Variants in ALPK1 observed in about 807,000 individuals in gnomAD.
The protein encoded by ALPK1 is alpha kinase 1, also known as alpha-protein kinase 1.
ALPK1 carries 110 observed loss-of-function variants against 120.6 expected under a neutral mutation model. The ratio of observed to expected loss-of-function variants is 0.91; its 90% CI spans 0.78 to 1.07. The LOEUF is 1.07. Among genes scored for constraint, ALPK1 ranks in the 50% least tolerant of loss-of-function variants. The pLI is 0.00. For synonymous variants in ALPK1, 582 were observed against 560.3 expected (o/e 1.04, Z -0.55); for missense variants, 1,498 against 1,483.9 (o/e 1.01, Z -0.16).
Position 112,436,846 on chromosome 4 carries a change from G to A in ALPK1, c.3188+1545G>A, listed in dbSNP as rs186287900. 2.6e-3 allele frequency among the ~76,000 whole-genome samples: 396 copies of A among 152,278 alleles called. 4 individuals carry two copies. Among genetic ancestry groups the A allele is most frequent in the African/African-American group, 9.1e-3 (380 of 41,548 alleles). Reference sequence around the variant, plus strand: ...TATACCATAGGAGGACCTGAGATGAGAATAAATTGAGAATAAGAGACATAG... The same window carrying A: ...TATACCATAGGAGGACCTGAGATGAAAATAAATTGAGAATAAGAGACATAG... On this transcript the variant is annotated intron_variant, in intron 12 of 15. Transcript: ENST00000650871.
At chr4:112,423,052 G>A (rs879633860) in intron 5 of ALPK1, among the ~76,000 whole-genome samples, 24 of 152,176 alleles carry the variant, frequency 1.6e-4, no homozygotes, top group African/African-American at 4.1e-4. Context: ...GCAAACGAGC[G>A]TGAAGAATGG....
intron 1 of ALPK1, among the ~76,000 whole-genome samples, chr4:112,299,592 A>G (rs1727698122): frequency 6.6e-6 from 1 of 152,174 alleles, no homozygotes; most frequent in Admixed American, 6.5e-5. Context: ...CAGACATGCT[A>G]CACTAATGCA....
At chr4:112,327,020 A>G in intron 2 of ALPK1, among the ~76,000 whole-genome samples, 1 of 152,190 alleles carries the variant, frequency 6.6e-6, no homozygotes, top group East Asian at 1.9e-4. Flanking sequence ...ATTCTTTCCT[A>G]CTCAGTGAAG....
intron 5 of ALPK1, among the ~76,000 whole-genome samples, chr4:112,418,154 A>G (rs773244408): frequency 5.3e-5 from 8 of 152,334 alleles, no homozygotes; most frequent in Non-Finnish European, 7.3e-5. Context: ...CCTCATACCT[A>G]CGCACACCAC....
chr4:112,311,717 G>A (rs1029652233), intron 1 of ALPK1, among the ~76,000 whole-genome samples: 1 of 152,202 alleles, frequency 6.6e-6, no homozygotes, highest in African/African-American at 2.4e-5. Context: ...TATCAACTGC[G>A]CCATGCCTGC....
intron 2 of ALPK1, chr4:112,356,483 A>T: frequency 1.0e-6 from 1 of 954,052 alleles, no homozygotes; most frequent in South Asian, 1.3e-5. Flanking sequence ...CCCACTCGCA[A>T]CTCACACAGG....
In ALPK1 at chr4:112,440,927, C is replaced by A. The variant is rs143402579; in HGVS notation, c.3549C>A (p.Thr1183=). The A allele has an allele frequency of 3.1e-6, 5 of 1,610,274 alleles. No homozygotes were observed. Among genetic ancestry groups the A allele is most frequent in the Non-Finnish European group, 3.4e-6 (4 of 1,178,462 alleles). Residue 1183 remains threonine (T), a synonymous_variant, in exon 15 of 16, where the codon ACC becomes ACA. Coordinates refer to ENST00000650871, the MANE Select transcript of ALPK1 (RefSeq NM_025144.4). ...TCATTTCTCTTTTAGGTTGGGTAAC[C>A]GGTAATGGAAAAGGACTCATCTACC... is the stretch of plus-strand genomic sequence containing the variant. ...DVVVDLQGWV[T]GNGKGLIYLT... is the part of the protein sequence containing the mutation.
intron 2 of ALPK1, chr4:112,358,355 C>T: frequency 1.7e-6 from 1 of 597,052 alleles, no homozygotes; most frequent in East Asian, 3.1e-5. Flanking sequence ...GCGAACTATG[C>T]CAGCACCGGC....
At chr4:112,366,596 C>T (rs1321773339) in intron 2 of ALPK1, among the ~76,000 whole-genome samples, 1 of 152,122 alleles carries the variant, frequency 6.6e-6, no homozygotes, top group Non-Finnish European at 1.5e-5. Flanking sequence ...TTTTACACTG[C>T]TGGTGGGAAT....
chr4:112,325,614 G>A (rs1347349645), intron 2 of ALPK1, among the ~76,000 whole-genome samples: 1 of 152,092 alleles, frequency 6.6e-6, no homozygotes, highest in Non-Finnish European at 1.5e-5. Flanking sequence ...AAACTTACGG[G>A]GCAATCGTAC....
chr4:112,317,781 G>A (rs752901150), intron 2 of ALPK1, among the ~76,000 whole-genome samples: 1 of 152,030 alleles, frequency 6.6e-6, no homozygotes, highest in Non-Finnish European at 1.5e-5. Flanking sequence ...ATTTTTTGCA[G>A]AGTTGCTATT....
rs541790711 is a variant in ALPK1, at chr4:112,382,926, C to G, written c.276+374C>G. On this transcript the variant is annotated intron_variant, in intron 4 of 15. Coordinates refer to ENST00000650871, the MANE Select transcript of ALPK1 (RefSeq NM_025144.4). ...AGGTAGCTTAAAAAAGTAAATGCAC[C>G]CTTGTTTCATCAGTGTGACTTGCTG... The G allele has an allele frequency of 9.4e-5, 23 of 244,766 alleles. 1 individual carries two copies. Among genetic ancestry groups the G allele is most frequent in the Admixed American group, 3.0e-4 (6 of 19,890 alleles). 15.2% of individuals were successfully genotyped at this position (244,766 alleles called of 1,614,324 possible). A position where few individuals can be genotyped will look rare whatever the true frequency, so the allele number is the denominator to read the frequency against.
rs76895990 is a variant in ALPK1 at position 112,435,763 on chromosome 4, C to T, written c.3188+462C>T. 8.7e-4 allele frequency among the ~76,000 whole-genome samples: 132 copies of T among 152,298 alleles called. 1 individual carries two copies. Among genetic ancestry groups the T allele is most frequent in the African/African-American group, 3.1e-3 (127 of 41,568 alleles). On this transcript the variant is annotated intron_variant, in intron 12 of 15. Transcript: ENST00000650871. ...TGATTGCTGAACCCTTTAGGGATCCCGCATAGGCGTTTGAGGCAGGGGTGG... is the reference window on the plus strand; with the variant it reads ...TGATTGCTGAACCCTTTAGGGATCCTGCATAGGCGTTTGAGGCAGGGGTGG...
At chr4:112,397,556 C>T (rs1394853761) in intron 4 of ALPK1, among the ~76,000 whole-genome samples, 1 of 152,186 alleles carries the variant, frequency 6.6e-6, no homozygotes, top group Non-Finnish European at 1.5e-5. Context: ...TCAAGTACAA[C>T]TTTAAAAGAG....
In ALPK1 at chr4:112,431,645, G is replaced by C; in HGVS notation, c.2098G>C (p.Glu700Gln). The change falls in exon 11 of 16, where the codon GAA becomes CAA. Residue 700 changes from glutamate to glutamine, a missense_variant. By Grantham distance (29) the Glu-to-Gln change is conservative. Coordinates refer to ENST00000650871, the MANE Select transcript of ALPK1 (RefSeq NM_025144.4). ...AGAAGGAGCTCCAGAAGGTATCCAG[G>C]AAGTCAGAAATATGGGACCCAGAAA... Reference protein sequence around the residue: ...LLEGAPEGIQEVRNMGPRNTS... With the variant: ...LLEGAPEGIQQVRNMGPRNTS... 1.9e-6 allele frequency: 3 copies of C among 1,614,190 alleles called. No individual in the cohort carries two copies. The highest frequency in any genetic ancestry group is 2.5e-6 in the Non-Finnish European group (3 of 1,180,026).
At chr4:112,405,014 T>A (rs1341814917) in intron 4 of ALPK1, among the ~76,000 whole-genome samples, 2 of 152,314 alleles carry the variant, frequency 1.3e-5, no homozygotes, top group Non-Finnish European at 2.9e-5. Flanking sequence ...ATGCTTCCTA[T>A]GTTCATTTCA....
At chr4:112,304,524 G>T (rs1446110339) in intron 1 of ALPK1, among the ~76,000 whole-genome samples, 1 of 152,068 alleles carries the variant, frequency 6.6e-6, no homozygotes, top group Non-Finnish European at 1.5e-5. Flanking sequence ...TTTTTCATGT[G>T]TCTGTTGGCT....
chr4:112,318,069 G>T (rs1254597783), intron 2 of ALPK1, among the ~76,000 whole-genome samples: 14 of 152,268 alleles, frequency 9.2e-5, no homozygotes, highest in Admixed American at 8.5e-4. Context: ...TTTATACTAA[G>T]TGAGTAGAAA....
intron 2 of ALPK1, among the ~76,000 whole-genome samples, chr4:112,327,818 A>G (rs1005238696): frequency 1.3e-5 from 2 of 152,210 alleles, no homozygotes; most frequent in African/African-American, 4.8e-5. Flanking sequence ...GCACTAAAAC[A>G]TATACTTAAT....
Sources: gnomAD v4.1 joint callset for allele counts (sites outside exome capture counted in the v4.1 genomes callset) on GRCh38, gnomAD v4.1.1 for gene constraint, MANE v1.5 for transcripts, NCBI Gene and HGNC (gene_info 2026-07-23, HGNC 2026-07-21) for gene names.